Variants in PCSK5 observed in about 807,000 individuals in gnomAD.
PCSK5 encodes prohormone convertase 5.
A neutral mutation model predicts 233.2 loss-of-function variants in PCSK5; 129 were observed. That is an observed-to-expected ratio of 0.55 (90% CI 0.48 to 0.64). The LOEUF (loss-of-function observed/expected upper bound fraction) is 0.64, where lower values mean the gene tolerates loss of function less well. PCSK5 is among the 30% of genes least tolerant of loss of function. The pLI is 0.00. For synonymous variants in PCSK5, 825 were observed against 879.2 expected, an observed-to-expected ratio of 0.94 and a Z score of 1.09; for missense variants, 2,076 against 2,430.1, an observed-to-expected ratio of 0.85 and a Z score of 3.06.
At chr9:76,094,772 G>A (rs900334408) in intron 7 of PCSK5, among the ~76,000 whole-genome samples, 8 of 151,916 alleles carry the variant, frequency 5.3e-5, no homozygotes, top group Non-Finnish European at 8.8e-5. Flanking sequence ...ACCACGCCTC[G>A]CTAATTTTTG....
chr9:76,310,890 A>T, intron 30 of PCSK5, 39 bp downstream of exon 30: 1 of 1,350,932 alleles, frequency 7.4e-7, no homozygotes, highest in Non-Finnish European at 1.0e-6. Context: ...GCTTGTAATC[A>T]CTCTCCTCTG....
chr9:76,113,022 T>G (rs1286945194), intron 9 of PCSK5, among the ~76,000 whole-genome samples: 1 of 152,208 alleles, frequency 6.6e-6, no homozygotes, highest in African/African-American at 2.4e-5. Flanking sequence ...ACAATGGAAC[T>G]GAGTCCTAGA....
At chr9:76,126,609 A>G (rs532226687) in intron 9 of PCSK5, among the ~76,000 whole-genome samples, 2 of 152,256 alleles carry the variant, frequency 1.3e-5, no homozygotes, top group East Asian at 3.9e-4. Flanking sequence ...GTGAAACTCC[A>G]TCTCAAAAAA....
At position 76,210,526 on chromosome 9, in the gene PCSK5, G is replaced by A. The variant is rs545354377; in HGVS notation, c.2627-16977G>A. On this transcript the variant is annotated intron_variant, in intron 20 of 37. Coordinates refer to ENST00000674117, the MANE Select transcript of PCSK5 (RefSeq NM_001372043.1). ...AAATGGTGTGTGCAGGGCACCAAAA[G>A]AGTCTGCTACAGTTTGTAAGGTGAG... Among the ~76,000 whole-genome samples the A allele has an allele frequency of 2.6e-5, 4 of 152,314 alleles. No homozygotes were observed. The South Asian group carries it at 8.3e-4, about 32-fold the overall frequency.
At position 76,197,616 on chromosome 9, in the gene PCSK5, C is replaced by G. The variant is rs1472942483; in HGVS notation, c.2626+7870C>G. 5.3e-5 allele frequency among the ~76,000 whole-genome samples: 8 copies of G among 152,282 alleles called. No homozygotes were observed. In the South Asian group the frequency reaches 1.2e-3, roughly 24 times the overall value. ...TTCCATATTATCATTCAGCCTTGCA[C>G]AGAGAGAGCAATGGCAGACGGCAAT... On this transcript the variant is annotated intron_variant, in intron 20 of 37. Coordinates refer to ENST00000674117, the MANE Select transcript of PCSK5 (RefSeq NM_001372043.1).
At chr9:76,019,418 T>G (rs1183946293) in intron 3 of PCSK5, among the ~76,000 whole-genome samples, 1 of 152,184 alleles carries the variant, frequency 6.6e-6, no homozygotes, top group African/African-American at 2.4e-5. Flanking sequence ...TGTTGTATAG[T>G]CGGAGATGAA....
At chr9:75,986,586 T>C (rs909713733) in intron 3 of PCSK5, among the ~76,000 whole-genome samples, 1 of 152,222 alleles carries the variant, frequency 6.6e-6, no homozygotes, top group Non-Finnish European at 1.5e-5. Flanking sequence ...TCATGTTACC[T>C]CTGATACACA....
intron 9 of PCSK5, among the ~76,000 whole-genome samples, chr9:76,125,136 G>T (rs529520038): frequency 1.3e-5 from 2 of 151,800 alleles, no homozygotes; most frequent in African/African-American, 4.8e-5. Flanking sequence ...AAAAAAACTG[G>T]CTACAGAAAG....
intron 2 of PCSK5, among the ~76,000 whole-genome samples, chr9:75,978,754 G>A (rs920846425): frequency 1.3e-5 from 2 of 151,940 alleles, no homozygotes; most frequent in South Asian, 2.1e-4. Context: ...TTTCAGAGGC[G>A]TTAATACCCA....
chr9:76,175,564 A>T lies in PCSK5; in HGVS notation c.1900+435A>T, dbSNP rs964231415. 7 of 219,666 alleles carry T rather than the reference A, an allele frequency of 3.2e-5. No homozygotes were observed. In the East Asian group the frequency reaches 6.6e-4, roughly 21 times the overall value. The allele number at this position is 219,666 out of a possible 1,614,324, so 13.6% of individuals were successfully genotyped here. On this transcript the variant is annotated intron_variant, in intron 14 of 37. Transcript: ENST00000674117. ...TTTGGATAAACATCATTATTTATCA[A>T]TCTTTGTCTATATCTTCATTATTTC...
intron 7 of PCSK5, among the ~76,000 whole-genome samples, chr9:76,076,771 T>C (rs533525094): frequency 6.6e-6 from 1 of 152,328 alleles, no homozygotes; most frequent in Admixed American, 6.5e-5. Flanking sequence ...TTAGAATTAA[T>C]GTGGCAAAAT....
chr9:76,005,405 T>C (rs1827434024), intron 3 of PCSK5, among the ~76,000 whole-genome samples: 1 of 152,194 alleles, frequency 6.6e-6, no homozygotes, highest in Non-Finnish European at 1.5e-5. Context: ...TGTTAAAATA[T>C]ATAAAACATA....
intron 24 of PCSK5, among the ~76,000 whole-genome samples, chr9:76,243,274 G>A (rs372690503): frequency 6.6e-6 from 1 of 152,240 alleles, no homozygotes; most frequent in Admixed American, 6.5e-5. Flanking sequence ...CTGAGTGCTC[G>A]CCTTGATGGG....
At chr9:75,990,859 T>C (rs930585309) in intron 3 of PCSK5, among the ~76,000 whole-genome samples, 6 of 152,146 alleles carry the variant, frequency 3.9e-5, no homozygotes, top group African/African-American at 1.4e-4. Flanking sequence ...TAGTTTTTGA[T>C]GTGGAGTGGG....
chr9:76,148,511 T>C (rs1466327208), intron 10 of PCSK5, among the ~76,000 whole-genome samples: 1 of 152,080 alleles, frequency 6.6e-6, no homozygotes, highest in Non-Finnish European at 1.5e-5. Flanking sequence ...CCACTACCGA[T>C]CTAGAATCTC....
At chr9:76,264,113 T>C (rs1827264254) in intron 24 of PCSK5, among the ~76,000 whole-genome samples, 1 of 152,126 alleles carries the variant, frequency 6.6e-6, no homozygotes, top group Non-Finnish European at 1.5e-5. Context: ...AACAAACATA[T>C]GGATCAATGA....
chr9:76,175,310 TAGA>T, intron 14 of PCSK5, 181 bp downstream of exon 14: 1 of 493,196 alleles, frequency 2.0e-6, no homozygotes, highest in South Asian at 2.5e-5. Flanking sequence ...TAGAATAGAA[TAGA>T]ACAGAACAGA....
At chr9:75,896,443 G>A (rs1168181906) in intron 1 of PCSK5, among the ~76,000 whole-genome samples, 2 of 152,190 alleles carry the variant, frequency 1.3e-5, no homozygotes, top group East Asian at 3.9e-4. Context: ...AAAATTTTCA[G>A]CAATGTCTGA....
intron 2 of PCSK5, among the ~76,000 whole-genome samples, chr9:75,965,841 T>A (rs1008167467): frequency 6.6e-6 from 1 of 152,164 alleles, no homozygotes; most frequent in Non-Finnish European, 1.5e-5. Context: ...AGTCACTGAT[T>A]CCAAAATAAG....
Sources: allele counts gnomAD v4.1 joint callset (sites outside exome capture counted in the v4.1 genomes callset), GRCh38; gene constraint gnomAD v4.1.1; transcripts MANE v1.5; gene names NCBI Gene and HGNC (gene_info 2026-07-23, HGNC 2026-07-21).